The following ANKS1B variants were observed in gnomAD, a reference collection of about 807,000 sequenced individuals.
ANKS1B encodes the protein ankyrin repeat and sterile alpha motif domain-containing protein 1B.
In ANKS1B, 36 loss-of-function variants were observed where a neutral mutation model predicts 148.3. The ratio of observed to expected loss-of-function variants is 0.24; its 90% CI spans 0.19 to 0.32. The LOEUF is 0.32. Among genes scored for constraint, ANKS1B ranks in the 10% least tolerant of loss-of-function variants. The pLI is 1.00. For missense variants in ANKS1B, 1,157 were observed against 1,542.6 expected (o/e 0.75, Z 4.19); for synonymous variants, 542 against 560.8 (o/e 0.97, Z 0.47).
At chr12:99,478,438 G>T (rs892120918) in intron 10 of ANKS1B, among the ~76,000 whole-genome samples, 2 of 152,016 alleles carry the variant, frequency 1.3e-5, no homozygotes, top group Non-Finnish European at 2.9e-5. Context: ...TTTGGGTTTA[G>T]TAATATATAT....
At position 99,305,324 on chromosome 12, in the gene ANKS1B, T is replaced by C. The variant is rs1602634915; in HGVS notation, c.1757-58460A>G. 3.9e-5 allele frequency among the ~76,000 whole-genome samples: 6 copies of C among 152,248 alleles called. No homozygotes were observed. In the South Asian group the frequency reaches 1.2e-3, roughly 32 times the overall value. On this transcript the variant is annotated intron_variant, in intron 12 of 26. Coordinates refer to ENST00000683438, the MANE Select transcript of ANKS1B (RefSeq NM_001352186.2). ...ATATCAGTACCTATTTTACAAATTG[T>C]ATATTTCTGCTGATATCAATTTAAA... is the stretch of plus-strand genomic sequence containing the variant.
chr12:99,654,854 A>G (rs2173792), intron 9 of ANKS1B, among the ~76,000 whole-genome samples: 2,932 of 152,294 alleles, frequency 0.019, 92 homozygotes, highest in East Asian at 0.066. Flanking sequence ...AAATAATACT[A>G]ATTTTTTACA....
intron 12 of ANKS1B, among the ~76,000 whole-genome samples, chr12:99,327,066 TATATA>T (rs1332738596): frequency 6.0e-5 from 8 of 133,402 alleles, no homozygotes; most frequent in Middle Eastern, 3.8e-3. Context: ...TATAATACAA[TATATA>T]ATATATTAAT....
intron 17 of ANKS1B, among the ~76,000 whole-genome samples, chr12:99,045,553 C>T (rs775000756): frequency 5.9e-5 from 9 of 152,168 alleles, no homozygotes; most frequent in Non-Finnish European, 1.2e-4. Flanking sequence ...GGTGCCAACA[C>T]GAAAGATTTC....
chr12:99,701,414 G>A (rs1182158194), intron 8 of ANKS1B, among the ~76,000 whole-genome samples: 1 of 151,964 alleles, frequency 6.6e-6, no homozygotes, highest in African/African-American at 2.4e-5. Flanking sequence ...TGGGTACATA[G>A]TAGGTGTATA....
chr12:99,655,176 TCTC>T lies in ANKS1B; in HGVS notation c.1160_1162del (p.Gly387del). ...TTCATCATCATCCTCTTCTTCCACT[TCTC>T]CTGGTGACAAATTGATTGTAGATGA... On this transcript the variant is annotated inframe_deletion, in exon 9 of 27. Coordinates refer to ENST00000683438, the MANE Select transcript of ANKS1B (RefSeq NM_001352186.2). 2 of 1,611,872 alleles carry T rather than the reference TCTC, an allele frequency of 1.2e-6. No individual in the cohort carries two copies. The highest frequency in any genetic ancestry group is 2.2e-5 in the South Asian group (2 of 90,760).
intron 14 of ANKS1B, among the ~76,000 whole-genome samples, chr12:99,206,047 C>G (rs568492749): frequency 1.3e-5 from 2 of 152,210 alleles, no homozygotes; most frequent in Admixed American, 6.5e-5. Flanking sequence ...AGCAACCCAC[C>G]ACCAAAAGAT....
chr12:98,891,100 T>C (rs2099751724), intron 17 of ANKS1B, among the ~76,000 whole-genome samples: 1 of 152,174 alleles, frequency 6.6e-6, no homozygotes, highest in Non-Finnish European at 1.5e-5. Context: ...TTCAAGTCAT[T>C]TACAGAAAAA....
intron 8 of ANKS1B, among the ~76,000 whole-genome samples, chr12:99,731,394 T>C (rs2059132102): frequency 6.6e-6 from 1 of 150,546 alleles, no homozygotes; most frequent in Non-Finnish European, 1.5e-5. Flanking sequence ...GCTGGGATTA[T>C]AGGCGTGAAC....
intron 17 of ANKS1B, among the ~76,000 whole-genome samples, chr12:98,881,087 A>G (rs1001961647): frequency 5.3e-5 from 8 of 152,230 alleles, no homozygotes; most frequent in Non-Finnish European, 8.8e-5. Context: ...CACTGCAAAT[A>G]ATATGGAAAA....
At chr12:98,986,131 T>A (rs2099923246) in intron 17 of ANKS1B, among the ~76,000 whole-genome samples, 1 of 152,148 alleles carries the variant, frequency 6.6e-6, no homozygotes, top group South Asian at 2.1e-4. Flanking sequence ...TATTTCTATT[T>A]TTTTGGCTGT....
At chr12:98,805,896 G>A (rs746523852) in intron 20 of ANKS1B, among the ~76,000 whole-genome samples, 1 of 152,042 alleles carries the variant, frequency 6.6e-6, no homozygotes, top group Non-Finnish European at 1.5e-5. Context: ...TTCCAAGATG[G>A]AGTCTCCCTC....
intron 8 of ANKS1B, among the ~76,000 whole-genome samples, chr12:99,716,227 C>T (rs985571942): frequency 6.6e-6 from 1 of 151,762 alleles, no homozygotes; most frequent in Admixed American, 6.6e-5. Flanking sequence ...TCTCTGCACC[C>T]CAATTCCTTA....
At chr12:99,041,100 T>C (rs1195278521) in intron 17 of ANKS1B, among the ~76,000 whole-genome samples, 1 of 152,108 alleles carries the variant, frequency 6.6e-6, no homozygotes, top group Non-Finnish European at 1.5e-5. Context: ...TCCAAGAACA[T>C]AACACTGGGG....
chr12:99,863,504 A>C (rs931009839), intron 1 of ANKS1B, among the ~76,000 whole-genome samples: 1 of 152,100 alleles, frequency 6.6e-6, no homozygotes, highest in African/African-American at 2.4e-5. Flanking sequence ...TCACGAAGTC[A>C]GGAGATTGAG....
At chr12:99,451,132 T>C in intron 10 of ANKS1B, among the ~76,000 whole-genome samples, 1 of 152,208 alleles carries the variant, frequency 6.6e-6, no homozygotes, top group East Asian at 1.9e-4. Flanking sequence ...CAAAATATAC[T>C]TGCAATTTCA....
intron 15 of ANKS1B, among the ~76,000 whole-genome samples, chr12:99,153,526 T>G (rs189293957): frequency 2.4e-4 from 37 of 152,224 alleles, no homozygotes; most frequent in Non-Finnish European, 4.0e-4. Context: ...GAATTGTCGG[T>G]TTGCACAGTT....
At chr12:98,768,952 C>T (rs2098528601) in intron 25 of ANKS1B, among the ~76,000 whole-genome samples, 1 of 151,974 alleles carries the variant, frequency 6.6e-6, no homozygotes, top group African/African-American at 2.4e-5. Flanking sequence ...TCAAATCTAA[C>T]TGTCCATAAA....
Position 98,904,793 on chromosome 12 carries a change from A to G in ANKS1B, c.2779-72657T>C, listed in dbSNP as rs78311558. On this transcript the variant is annotated intron_variant, in intron 17 of 26. Coordinates refer to ENST00000683438, the MANE Select transcript of ANKS1B (RefSeq NM_001352186.2). ...GGAAAGAGGGAGAAAGGGAAGAAACATTTTATGTATACCTACTATGTGCCA... is the reference window on the plus strand; with the variant it reads ...GGAAAGAGGGAGAAAGGGAAGAAACGTTTTATGTATACCTACTATGTGCCA... Among the ~76,000 whole-genome samples, 1,469 of 152,292 alleles carry G rather than the reference A, an allele frequency of 9.6e-3. 25 individuals carry two copies. The highest frequency in any genetic ancestry group is 0.033 in the African/African-American group (1,375 of 41,560).
Sources: allele counts gnomAD v4.1 joint callset (sites outside exome capture counted in the v4.1 genomes callset), GRCh38; gene constraint gnomAD v4.1.1; transcripts MANE v1.5; gene names NCBI Gene and HGNC (gene_info 2026-07-23, HGNC 2026-07-21).